BOLL: variants seen among roughly 807,000 people sequenced by gnomAD.
The protein encoded by BOLL is boule RNA binding protein.
In BOLL, 23 loss-of-function variants were observed where a neutral mutation model predicts 44.4. The ratio of observed to expected loss-of-function variants is 0.52; its 90% CI spans 0.37 to 0.73. The LOEUF (loss-of-function observed/expected upper bound fraction) is 0.73. Among genes scored for constraint, BOLL ranks in the 30% least tolerant of loss-of-function variants. BOLL has a pLI of 0.00. For missense variants in BOLL, 287 were observed against 338.3 expected, an observed-to-expected ratio of 0.85 and a Z score of 1.19; for synonymous variants, 97 against 110.8, an observed-to-expected ratio of 0.88 and a Z score of 0.78.
At chr2:197,764,211 C>A (rs1574847728) in intron 7 of BOLL, among the ~76,000 whole-genome samples, 1 of 152,266 alleles carries the variant, frequency 6.6e-6, no homozygotes, top group East Asian at 1.9e-4. Flanking sequence ...AAAAGGAAAT[C>A]ATTGTATCAG....
At position 197,743,060 on chromosome 2, in the gene BOLL, C is replaced by T. The variant is rs1314576798; in HGVS notation, c.828+1G>A. On this transcript the variant is annotated splice_donor_variant, in intron 10 of 10. Transcript: ENST00000392296. LOFTEE classifies it high-confidence loss of function. ...GTAAAAAGTCAAAACAAATTTCTTA[C>T]TTTAATTGGCTCAGGCTGCATCACA... 6.4e-7 allele frequency: 1 copy of T among 1,558,120 alleles called. No homozygotes were observed. Among genetic ancestry groups the T allele is most frequent in the Non-Finnish European group, 8.7e-7 (1 of 1,154,884 alleles).
At chr2:197,767,985 G>T (rs1689071356) in intron 6 of BOLL, among the ~76,000 whole-genome samples, 1 of 151,946 alleles carries the variant, frequency 6.6e-6, no homozygotes, top group Non-Finnish European at 1.5e-5. Context: ...AAAAAGAAGT[G>T]AAAGAAATAG....
At chr2:197,741,407 T>C (rs1687725547) in intron 10 of BOLL, among the ~76,000 whole-genome samples, 1 of 151,812 alleles carries the variant, frequency 6.6e-6, no homozygotes, top group Non-Finnish European at 1.5e-5. Context: ...TTTCTAGATA[T>C]ACAATACTAC....
At chr2:197,784,391 C>T (rs1379941466) in intron 1 of BOLL, among the ~76,000 whole-genome samples, 43 of 54,962 alleles carry the variant, frequency 7.8e-4, no homozygotes, top group African/African-American at 2.6e-3. Flanking sequence ...CAGTCTAATA[C>T]ATATATATAT....
At chr2:197,730,758 A>G (rs1687124748) in intron 10 of BOLL, among the ~76,000 whole-genome samples, 1 of 152,110 alleles carries the variant, frequency 6.6e-6, no homozygotes, top group Non-Finnish European at 1.5e-5. Context: ...CAGACAAGCA[A>G]ATGCTGAGAG....
chr2:197,762,205 G>A (rs1343692636), intron 7 of BOLL, among the ~76,000 whole-genome samples: 3 of 152,200 alleles, frequency 2.0e-5, no homozygotes, highest in South Asian at 2.1e-4. Context: ...TTGGCCAGGC[G>A]TGGTGGCATG....
intron 10 of BOLL, among the ~76,000 whole-genome samples, chr2:197,728,832 GTAAA>G (rs1333430354): frequency 6.6e-6 from 1 of 152,162 alleles, no homozygotes; most frequent in East Asian, 1.9e-4. Context: ...TAAATGTTGA[GTAAA>G]TAAAATGAGG....
At chr2:197,781,138 G>T (rs146206750) in intron 2 of BOLL, among the ~76,000 whole-genome samples, 1 of 151,908 alleles carries the variant, frequency 6.6e-6, no homozygotes, top group East Asian at 1.9e-4. Context: ...GCCTAGTACC[G>T]AATAGTTATT....
intron 7 of BOLL, among the ~76,000 whole-genome samples, chr2:197,763,249 G>A (rs1347325870): frequency 3.3e-5 from 5 of 152,078 alleles, no homozygotes; most frequent in Non-Finnish European, 5.9e-5. Context: ...TTGGGAGGCC[G>A]AGGCGGGCAG....
At chr2:197,779,430 C>G (rs1362868383) in intron 2 of BOLL, among the ~76,000 whole-genome samples, 2 of 152,004 alleles carry the variant, frequency 1.3e-5, no homozygotes, top group Admixed American at 1.3e-4. Flanking sequence ...ACTATTTTGG[C>G]TCTTGTGGCT....
At chr2:197,783,453 A>C (rs369536752) in intron 1 of BOLL, among the ~76,000 whole-genome samples, 2 of 152,214 alleles carry the variant, frequency 1.3e-5, no homozygotes, top group African/African-American at 4.8e-5. Flanking sequence ...TCCCTAAATT[A>C]ATCTTTGCAA....
At chr2:197,757,263 C>A in intron 8 of BOLL, 90 bp downstream of exon 8, 1 of 1,138,150 alleles carries the variant, frequency 8.8e-7, no homozygotes, top group Admixed American at 2.4e-5. Context: ...AAGAAGGTCT[C>A]AAATCTAAAA....
intron 9 of BOLL, among the ~76,000 whole-genome samples, chr2:197,753,548 C>T (rs1054537676): frequency 1.3e-5 from 2 of 152,284 alleles, no homozygotes; most frequent in Middle Eastern, 3.4e-3. Context: ...CTCATCATCA[C>T]TGGTCATTAG....
At chr2:197,760,093 T>C (rs1220507261) in intron 7 of BOLL, among the ~76,000 whole-genome samples, 1 of 151,824 alleles carries the variant, frequency 6.6e-6, no homozygotes, top group Non-Finnish European at 1.5e-5. Context: ...AGCAGCCCCA[T>C]AGGCTGCTTC....
At chr2:197,770,356 TA>T (rs1483466820) in intron 6 of BOLL, among the ~76,000 whole-genome samples, 4 of 152,122 alleles carry the variant, frequency 2.6e-5, no homozygotes, top group African/African-American at 9.7e-5. Flanking sequence ...CAAGATAGAT[TA>T]AAGACTTCAA....
At chr2:197,778,221 C>G (rs1403722268) in intron 3 of BOLL, among the ~76,000 whole-genome samples, 1 of 151,876 alleles carries the variant, frequency 6.6e-6, no homozygotes, top group Non-Finnish European at 1.5e-5. Flanking sequence ...ATCCATCTGT[C>G]GAATGTTGTT....
intron 8 of BOLL, among the ~76,000 whole-genome samples, 185 bp from the exon 9 acceptor site, chr2:197,756,741 TGTA>T (rs1445667410): frequency 1.3e-5 from 2 of 152,146 alleles, no homozygotes; most frequent in Admixed American, 6.6e-5. Flanking sequence ...ACTGTGTAGA[TGTA>T]GTTAAAGAAT....
intron 9 of BOLL, among the ~76,000 whole-genome samples, chr2:197,751,373 A>G (rs1031750553): frequency 6.6e-6 from 1 of 152,186 alleles, no homozygotes; most frequent in Non-Finnish European, 1.5e-5. Flanking sequence ...GGTTTTTTGA[A>G]AAGATTAACA....
Position 197,743,069 on chromosome 2 carries a change from G to A in BOLL, c.820C>T (p.Pro274Ser). 1 of 1,588,274 alleles carries A rather than the reference G, an allele frequency of 6.3e-7. No individual in the cohort carries two copies. The highest frequency in any genetic ancestry group is 8.6e-7 in the Non-Finnish European group (1 of 1,168,512). The change falls in exon 10 of 11, where the codon CCA (proline) becomes TCA (serine). Residue 274 changes from proline (P) to serine (S), a missense_variant. Transcript: ENST00000392296. ...CAAAACAAATTTCTTACTTTAATTGGCTCAGGCTGCATCACAGGCGCAGGC... is the reference window on the plus strand; with the variant it reads ...CAAAACAAATTTCTTACTTTAATTGACTCAGGCTGCATCACAGGCGCAGGC... The part of the protein sequence containing the change: ...TMPAPVMQPE[P>S]IKTVWSIHY
Sources: gnomAD v4.1 joint callset for allele counts (sites outside exome capture counted in the v4.1 genomes callset) on GRCh38, gnomAD v4.1.1 for gene constraint, MANE v1.5 for transcripts, NCBI Gene and HGNC (gene_info 2026-07-23, HGNC 2026-07-21) for gene names.